NTM: variants seen among roughly 807,000 people sequenced by gnomAD.
NTM encodes the protein neurotrimin.
Under a neutral mutation model 42.1 loss-of-function variants are expected in NTM, and 13 were observed. That is an observed-to-expected ratio of 0.31 (90% CI 0.20 to 0.49). The LOEUF is 0.49. NTM is among the 20% of genes least tolerant of loss of function. The probability of loss-of-function intolerance (pLI) is 0.99; values close to 1 mark genes in which losing one functional copy is unlikely to be tolerated. For synonymous variants in NTM, 187 were observed against 179.2 expected, an observed-to-expected ratio of 1.04 and a Z score of -0.35; for missense variants, 373 against 452.8, an observed-to-expected ratio of 0.82 and a Z score of 1.60.
intron 1 of NTM, among the ~76,000 whole-genome samples, chr11:131,732,149 T>C (rs1176450966): frequency 6.6e-6 from 1 of 152,220 alleles, no homozygotes; most frequent in African/African-American, 2.4e-5. Flanking sequence ...TGAGATAAGC[T>C]ACAGCAAGTT....
At chr11:131,633,070 T>C (rs1201382729) in intron 1 of NTM, among the ~76,000 whole-genome samples, 1 of 152,198 alleles carries the variant, frequency 6.6e-6, no homozygotes, top group Non-Finnish European at 1.5e-5. Context: ...CTAATCCACT[T>C]TGCCAAAGCC....
At chr11:131,738,029 G>A (rs936745498) in intron 1 of NTM, among the ~76,000 whole-genome samples, 8 of 152,292 alleles carry the variant, frequency 5.3e-5, no homozygotes, top group African/African-American at 1.4e-4. Flanking sequence ...TCAAACTGAC[G>A]CCTTAGTTTT....
At chr11:131,929,108 C>A (rs924463698) in intron 2 of NTM, among the ~76,000 whole-genome samples, 11 of 152,236 alleles carry the variant, frequency 7.2e-5, no homozygotes, top group African/African-American at 2.7e-4. Flanking sequence ...AATGCAATGT[C>A]CGGTAGTGCT....
intron 1 of NTM, among the ~76,000 whole-genome samples, chr11:131,593,435 G>C (rs1387426109): frequency 3.9e-5 from 6 of 152,174 alleles, no homozygotes; most frequent in African/African-American, 1.4e-4. Context: ...GTCAGGCAGG[G>C]GACTGAGCCT....
intron 1 of NTM, among the ~76,000 whole-genome samples, chr11:131,706,895 C>A (rs1013875983): frequency 6.6e-6 from 1 of 151,878 alleles, no homozygotes; most frequent in African/African-American, 2.4e-5. Flanking sequence ...TTATGAGGTA[C>A]AATGTGATGT....
At chr11:131,969,122 A>G (rs1206418140) in intron 2 of NTM, among the ~76,000 whole-genome samples, 1 of 152,240 alleles carries the variant, frequency 6.6e-6, no homozygotes, top group Non-Finnish European at 1.5e-5. Context: ...TTAAGGAATA[A>G]TAGTACAAAG....
chr11:131,780,897 C>T (rs929077241), intron 1 of NTM, among the ~76,000 whole-genome samples: 4 of 152,002 alleles, frequency 2.6e-5, no homozygotes, highest in Admixed American at 6.6e-5. Context: ...GAACTAATAA[C>T]CATAAGGAAC....
chr11:131,799,832 G>C (rs1397556566), intron 1 of NTM, among the ~76,000 whole-genome samples: 1 of 152,238 alleles, frequency 6.6e-6, no homozygotes, highest in East Asian at 1.9e-4. Flanking sequence ...AACTATGGCA[G>C]CAGCCCAGTG....
At chr11:131,890,160 C>CTCTCTGTA (rs55962894) in intron 1 of NTM, among the ~76,000 whole-genome samples, 94,141 of 148,224 alleles carry the variant, frequency 0.64, 30,590 homozygotes, top group East Asian at 0.96. Context: ...CTCTCTGTCT[C>CTCTCTGTA]TCTCTCTCTC....
At chr11:132,302,414 T>C (rs1201212575) in intron 4 of NTM, among the ~76,000 whole-genome samples, 1 of 152,194 alleles carries the variant, frequency 6.6e-6, no homozygotes, top group Non-Finnish European at 1.5e-5. Flanking sequence ...ACACTAATAG[T>C]GATGATATTT....
chr11:131,380,443 T>G (rs1454320473), intron 1 of NTM, among the ~76,000 whole-genome samples: 3 of 152,106 alleles, frequency 2.0e-5, no homozygotes, highest in Non-Finnish European at 4.4e-5. Context: ...ACTCCTGACA[T>G]CAGGTGATCC....
intron 1 of NTM, among the ~76,000 whole-genome samples, chr11:131,830,408 G>A (rs564969617): frequency 6.6e-6 from 1 of 152,234 alleles, no homozygotes; most frequent in East Asian, 1.9e-4. Flanking sequence ...ATTCCAACAT[G>A]ATTTATTAAT....
intron 1 of NTM, among the ~76,000 whole-genome samples, chr11:131,387,596 TTATA>T (rs1943483829): frequency 6.6e-6 from 1 of 152,176 alleles, no homozygotes; most frequent in Admixed American, 6.5e-5. Context: ...CAACAAAGTA[TTATA>T]TATTTCAAAA....
intron 2 of NTM, among the ~76,000 whole-genome samples, chr11:131,937,276 C>T (rs1200831709): frequency 6.6e-6 from 1 of 152,154 alleles, no homozygotes; most frequent in African/African-American, 2.4e-5. Flanking sequence ...TTATTGGAGT[C>T]ATACTTTAGT....
In NTM at chr11:131,718,606, C is replaced by T. The variant is rs546926471; in HGVS notation, c.83-192958C>T. On this transcript the variant is annotated intron_variant, in intron 1 of 8. Coordinates refer to ENST00000683400, the MANE Select transcript of NTM (RefSeq NM_001352005.2). ...CAATCTTCTGGGAAGGTTCTTTGCC[C>T]GGCCTTTGGGAAGTTTTATTGCACA... Among the ~76,000 whole-genome samples the T allele has an allele frequency of 5.6e-4, 86 of 152,256 alleles. 1 individual carries two copies. In the South Asian group the frequency reaches 0.017, roughly 29 times the overall value.
At chr11:131,974,470 A>T (rs1271751535) in intron 2 of NTM, among the ~76,000 whole-genome samples, 1 of 152,222 alleles carries the variant, frequency 6.6e-6, no homozygotes, top group Non-Finnish European at 1.5e-5. Context: ...TATAATCTAC[A>T]TGTGAACTTA....
At chr11:131,487,771 G>A (rs1426128578) in intron 1 of NTM, among the ~76,000 whole-genome samples, 1 of 152,204 alleles carries the variant, frequency 6.6e-6, no homozygotes, top group African/African-American at 2.4e-5. Context: ...TTGGAGCTGA[G>A]GGGAAGGCTG....
intron 4 of NTM, among the ~76,000 whole-genome samples, chr11:132,240,488 G>T (rs1252327404): frequency 6.6e-6 from 1 of 152,114 alleles, no homozygotes; most frequent in Non-Finnish European, 1.5e-5. Context: ...TTTTAAAACT[G>T]GGCATTACTA....
intron 2 of NTM, among the ~76,000 whole-genome samples, chr11:131,965,189 A>G (rs2062676482): frequency 6.6e-6 from 1 of 152,142 alleles, no homozygotes; most frequent in South Asian, 2.1e-4. Flanking sequence ...GAGGAGAAAG[A>G]GTATCAGGAG....
Sources: gnomAD v4.1 joint callset for allele counts (sites outside exome capture counted in the v4.1 genomes callset) on GRCh38, gnomAD v4.1.1 for gene constraint, MANE v1.5 for transcripts, NCBI Gene and HGNC (gene_info 2026-07-23, HGNC 2026-07-21) for gene names.